Variants in DPP10 observed in about 807,000 individuals in gnomAD.
DPP10 encodes the protein inactive dipeptidyl peptidase 10.
A neutral mutation model predicts 120.9 loss-of-function variants in DPP10; 33 were observed. The ratio of observed to expected loss-of-function variants is 0.27; its 90% CI spans 0.21 to 0.37. DPP10 has a LOEUF of 0.37. Ranked by LOEUF, DPP10 falls within the 10% of genes least tolerant of loss-of-function variation. The probability of loss-of-function intolerance (pLI) is 1.00; values close to 1 mark genes in which losing one functional copy is unlikely to be tolerated. For missense variants in DPP10, 816 were observed against 942.8 expected, an observed-to-expected ratio of 0.87 and a Z score of 1.76; for synonymous variants, 337 against 326.1, an observed-to-expected ratio of 1.03 and a Z score of -0.36.
chr2:115,298,851 A>G (rs2061000679), intron 1 of DPP10, among the ~76,000 whole-genome samples: 1 of 152,054 alleles, frequency 6.6e-6, no homozygotes, highest in Non-Finnish European at 1.5e-5. Flanking sequence ...CTAAATAGGT[A>G]GACAGAAGTA....
chr2:114,542,436 G>GA (rs1024143368), intron 1 of DPP10, among the ~76,000 whole-genome samples: 1 of 152,156 alleles, frequency 6.6e-6, no homozygotes, highest in Non-Finnish European at 1.5e-5. Context: ...AAGGCTGATT[G>GA]AGTGGAACAC....
chr2:114,762,707 G>C (rs1013240576), intron 1 of DPP10, among the ~76,000 whole-genome samples: 1 of 152,164 alleles, frequency 6.6e-6, no homozygotes, highest in African/African-American at 2.4e-5. Context: ...CATCAGAAAA[G>C]ATCCATAACA....
At chr2:114,867,942 T>C (rs963437831) in intron 1 of DPP10, among the ~76,000 whole-genome samples, 17 of 152,228 alleles carry the variant, frequency 1.1e-4, no homozygotes, top group African/African-American at 3.1e-4. Flanking sequence ...GATCTGAATA[T>C]GGAGTTACAT....
intron 1 of DPP10, among the ~76,000 whole-genome samples, chr2:114,739,870 G>A (rs1677852069): frequency 6.6e-6 from 1 of 152,046 alleles, no homozygotes; most frequent in African/African-American, 2.4e-5. Context: ...CAATACATGT[G>A]TTTTCAGCAA....
intron 4 of DPP10, among the ~76,000 whole-genome samples, chr2:115,507,832 T>G (rs1449057158): frequency 2.0e-5 from 3 of 152,120 alleles, no homozygotes; most frequent in African/African-American, 7.2e-5. Flanking sequence ...TTCTGAAGGC[T>G]ATTGCAGTGG....
chr2:115,164,678 G>A (rs936309173), intron 1 of DPP10, among the ~76,000 whole-genome samples: 1 of 152,248 alleles, frequency 6.6e-6, no homozygotes, highest in East Asian at 1.9e-4. Flanking sequence ...ATAGCACAGT[G>A]GAAGACCATA....
chr2:115,358,353 A>C (rs1559479466), intron 3 of DPP10, among the ~76,000 whole-genome samples: 2 of 152,132 alleles, frequency 1.3e-5, no homozygotes, highest in Non-Finnish European at 2.9e-5. Flanking sequence ...AGCAAGAGTG[A>C]CCTTTACTCC....
chr2:114,726,937 A>C (rs540673942), intron 1 of DPP10, among the ~76,000 whole-genome samples: 1 of 152,252 alleles, frequency 6.6e-6, no homozygotes, highest in Non-Finnish European at 1.5e-5. Context: ...TGCATAGTCT[A>C]TCTTCATGCA....
At chr2:115,814,321 A>G (rs1686988646) in intron 19 of DPP10, among the ~76,000 whole-genome samples, 1 of 152,126 alleles carries the variant, frequency 6.6e-6, no homozygotes, top group Non-Finnish European at 1.5e-5. Context: ...GTTTAACATT[A>G]TGTATGGTTG....
intron 1 of DPP10, among the ~76,000 whole-genome samples, chr2:115,228,455 C>A (rs778053545): frequency 6.6e-6 from 1 of 151,992 alleles, no homozygotes; most frequent in Non-Finnish European, 1.5e-5. Flanking sequence ...ATCTTATTCA[C>A]CCTATCTAAC....
chr2:115,419,843 G>A (rs2069776615), intron 3 of DPP10, among the ~76,000 whole-genome samples: 2 of 152,044 alleles, frequency 1.3e-5, no homozygotes, highest in South Asian at 4.1e-4. Flanking sequence ...GTCTCCTGGT[G>A]ATATTTAAAA....
chr2:115,086,804 A>G (rs1708744680), intron 1 of DPP10, among the ~76,000 whole-genome samples: 1 of 149,902 alleles, frequency 6.7e-6, no homozygotes, highest in African/African-American at 2.5e-5. Context: ...CTGCCTCCCT[A>G]AAATATATAA....
In DPP10 at chr2:115,372,744, C is replaced by T. The variant is rs2065500881; in HGVS notation, c.271+28832C>T. 2.0e-5 allele frequency among the ~76,000 whole-genome samples: 3 copies of T among 152,176 alleles called. No individual in the cohort carries two copies. The South Asian group carries it at 6.2e-4, about 32-fold the overall frequency. On this transcript the variant is annotated intron_variant, in intron 3 of 25. Coordinates refer to ENST00000410059, the MANE Select transcript of DPP10 (RefSeq NM_020868.6). ...TCATATGAAGTAAACACATAACCAT[C>T]ACTGAAGTTAGAGTAATGTAAGCGT... is the stretch of plus-strand genomic sequence containing the variant.
At chr2:114,676,798 C>T (rs1181469233) in intron 1 of DPP10, among the ~76,000 whole-genome samples, 4 of 151,948 alleles carry the variant, frequency 2.6e-5, no homozygotes, top group East Asian at 1.9e-4. Flanking sequence ...TATTCTTTCC[C>T]GCAAGACTAG....
intron 1 of DPP10, among the ~76,000 whole-genome samples, chr2:115,139,724 T>TAAAAAAA (rs55826687): frequency 1.2e-3 from 69 of 56,614 alleles, no homozygotes; most frequent in East Asian, 2.1e-3. Flanking sequence ...GTAAAAATAC[T>TAAAAAAA]AAAAAAAAAA....
intron 21 of DPP10, among the ~76,000 whole-genome samples, chr2:115,817,902 A>C (rs1687429090): frequency 1.3e-5 from 2 of 152,152 alleles, no homozygotes. Context: ...GAAAAAAAAG[A>C]GTGAAATGGT....
At chr2:114,817,279 G>GTCTA (rs1397156181) in intron 1 of DPP10, among the ~76,000 whole-genome samples, 1 of 147,316 alleles carries the variant, frequency 6.8e-6, no homozygotes, top group Admixed American at 6.9e-5. Flanking sequence ...ATAGTGATAG[G>GTCTA]GGGATATCAG....
At chr2:114,532,844 G>T (rs1686149872) in intron 1 of DPP10, among the ~76,000 whole-genome samples, 1 of 152,136 alleles carries the variant, frequency 6.6e-6, no homozygotes, top group Non-Finnish European at 1.5e-5. Context: ...CTCAGACCAC[G>T]TGGTGGGGTT....
Position 115,187,442 on chromosome 2 carries a change from T to TA in DPP10, c.61-121796dup, listed in dbSNP as rs1470028762. 4.6e-5 allele frequency among the ~76,000 whole-genome samples: 7 copies of TA among 152,296 alleles called. 1 individual carries two copies. The South Asian group carries it at 1.2e-3, about 27-fold the overall frequency. On this transcript the variant is annotated intron_variant, in intron 1 of 25. Transcript: ENST00000410059. ...GATATTTATGGACATTTTTCATACA[T>TA]ACTAAATCTTGAAGCAGAGAGCGAC...
Sources: gnomAD v4.1 joint callset for allele counts (sites outside exome capture counted in the v4.1 genomes callset) on GRCh38, gnomAD v4.1.1 for gene constraint, MANE v1.5 for transcripts, NCBI Gene and HGNC (gene_info 2026-07-23, HGNC 2026-07-21) for gene names.